RBFOX1: variants seen among roughly 807,000 people sequenced by gnomAD.
RBFOX1 encodes RNA binding fox-1 homolog 1.
In RBFOX1, 8 loss-of-function variants were observed where a neutral mutation model predicts 57.7. The observed-to-expected ratio is 0.14, with a 90% CI of 0.08 to 0.25. The LOEUF (loss-of-function observed/expected upper bound fraction) is 0.25, where lower values mean the gene tolerates loss of function less well. RBFOX1 is among the 10% of genes least tolerant of loss of function. The pLI is 1.00. For synonymous variants in RBFOX1, 326 were observed against 222.4 expected (o/e 1.47, Z -4.15); for missense variants, 611 against 548.5 (o/e 1.11, Z -1.14).
intron 3 of RBFOX1, among the ~76,000 whole-genome samples, chr16:5,690,976 G>A (rs1346466321): frequency 6.6e-6 from 1 of 152,192 alleles, no homozygotes; most frequent in Non-Finnish European, 1.5e-5. Flanking sequence ...AGAAGGGAGA[G>A]CAGGTAATCC....
intron 4 of RBFOX1, among the ~76,000 whole-genome samples, chr16:7,125,899 A>G (rs2068400312): frequency 6.6e-6 from 1 of 152,138 alleles, no homozygotes; most frequent in African/African-American, 2.4e-5. Context: ...CCTGGCCAAC[A>G]TGGCAAAACT....
chr16:5,610,431 C>G (rs906795743), intron 3 of RBFOX1: 1 of 152,196 alleles, frequency 6.6e-6, no homozygotes, highest in East Asian at 1.9e-4. Context: ...GGTCACACAG[C>G]TAGGAAAGGG....
intron 3 of RBFOX1, among the ~76,000 whole-genome samples, chr16:7,017,796 G>C (rs905135461): frequency 2.0e-5 from 3 of 152,140 alleles, no homozygotes; most frequent in African/African-American, 7.2e-5. Context: ...AAAGAACATC[G>C]TGGTGTGCTT....
At chr16:6,438,388 T>C (rs1037143960) in intron 2 of RBFOX1, among the ~76,000 whole-genome samples, 2 of 152,136 alleles carry the variant, frequency 1.3e-5, no homozygotes, top group Admixed American at 1.3e-4. Flanking sequence ...GTGGTGGAGT[T>C]GGACTCACAC....
At chr16:7,019,165 C>A (rs2094077679) in intron 3 of RBFOX1, among the ~76,000 whole-genome samples, 1 of 151,662 alleles carries the variant, frequency 6.6e-6, no homozygotes, top group African/African-American at 2.4e-5. Flanking sequence ...TGTAATATTT[C>A]TAAAATTTTT....
At chr16:7,454,234 C>A (rs958948282) in intron 4 of RBFOX1, among the ~76,000 whole-genome samples, 3 of 152,108 alleles carry the variant, frequency 2.0e-5, no homozygotes, top group African/African-American at 7.2e-5. Flanking sequence ...CTCCGTCCCC[C>A]ACCAACCCCC....
rs1448701610 is a variant in RBFOX1, at chr16:6,543,172, A to G, written c.-63-111431A>G. ...ATTTGTACCCCATCCCTTAGGTGGA[A>G]CATGGCAGGATTCTTCAGGAGGGAA... On this transcript the variant is annotated intron_variant, in intron 2 of 15. Coordinates refer to ENST00000550418, the MANE Select transcript of RBFOX1 (RefSeq NM_018723.4). Among the ~76,000 whole-genome samples, 89 of 152,180 alleles carry G rather than the reference A, an allele frequency of 5.8e-4. 1 individual carries two copies. The highest frequency in any genetic ancestry group is 5.9e-5 in the Non-Finnish European group (4 of 68,040).
intron 3 of RBFOX1, among the ~76,000 whole-genome samples, chr16:6,972,841 G>T (rs535000912): frequency 6.6e-5 from 10 of 152,242 alleles, no homozygotes; most frequent in Admixed American, 2.6e-4. Context: ...CAGAGACAAG[G>T]GGCCGGATGC....
intron 3 of RBFOX1, among the ~76,000 whole-genome samples, chr16:6,803,157 C>G (rs765693101): frequency 2.0e-5 from 3 of 151,986 alleles, no homozygotes; most frequent in Non-Finnish European, 4.4e-5. Context: ...CTTTTAAATG[C>G]CATGAGTTAG....
chr16:7,330,926 C>T (rs554840280), intron 4 of RBFOX1, among the ~76,000 whole-genome samples: 2 of 152,230 alleles, frequency 1.3e-5, no homozygotes, highest in South Asian at 4.2e-4. Flanking sequence ...TGTTGAAAGT[C>T]ATCGTCAAAA....
chr16:7,046,335 T>C (rs1338563074), intron 3 of RBFOX1, among the ~76,000 whole-genome samples: 6 of 152,034 alleles, frequency 3.9e-5, no homozygotes, highest in African/African-American at 1.4e-4. Context: ...TTAAAGGTTG[T>C]GTTATAGGGA....
chr16:6,659,017 C>T (rs757532354), intron 3 of RBFOX1, among the ~76,000 whole-genome samples: 8 of 151,422 alleles, frequency 5.3e-5, no homozygotes, highest in Non-Finnish European at 1.2e-4. Flanking sequence ...GGGAGGTAAC[C>T]CATCACTTGG....
chr16:6,232,565 A>G (rs1004958951), intron 1 of RBFOX1, among the ~76,000 whole-genome samples: 8 of 152,118 alleles, frequency 5.3e-5, no homozygotes, highest in African/African-American at 1.7e-4. Flanking sequence ...AAGCATCTCT[A>G]TCTTGCCTTG....
At position 7,483,700 on chromosome 16, in the gene RBFOX1, T is replaced by G. The variant is rs141338997; in HGVS notation, c.28-34447T>G. On this transcript the variant is annotated intron_variant, in intron 4 of 15. Coordinates refer to ENST00000550418, the MANE Select transcript of RBFOX1 (RefSeq NM_018723.4). Reference sequence around the variant, plus strand: ...TATTTTAAAGGTGGGTTTTCCAGAGTTGGGTATAAGTTCAGCTACCCAAGA... The same window carrying G: ...TATTTTAAAGGTGGGTTTTCCAGAGGTGGGTATAAGTTCAGCTACCCAAGA... 2.0e-3 allele frequency among the ~76,000 whole-genome samples: 297 copies of G among 152,216 alleles called. 1 individual carries two copies. Among genetic ancestry groups the G allele is most frequent in the African/African-American group, 6.9e-3 (286 of 41,532 alleles).
intron 4 of RBFOX1, among the ~76,000 whole-genome samples, chr16:5,921,847 C>A (rs968402801): frequency 2.0e-5 from 3 of 151,846 alleles, no homozygotes; most frequent in Non-Finnish European, 4.4e-5. Context: ...GGGGAGGAGC[C>A]AGGCTCTTTT....
At chr16:7,006,255 A>T (rs966399070) in intron 3 of RBFOX1, among the ~76,000 whole-genome samples, 1 of 152,046 alleles carries the variant, frequency 6.6e-6, no homozygotes, top group Non-Finnish European at 1.5e-5. Flanking sequence ...CCGAGGTCCA[A>T]GCGATTCTCC....
intron 4 of RBFOX1, among the ~76,000 whole-genome samples, chr16:7,426,277 C>A (rs959525985): frequency 1.3e-5 from 2 of 152,106 alleles, no homozygotes; most frequent in South Asian, 4.1e-4. Context: ...GCATCGTCTC[C>A]CCGCTTAATC....
chr16:5,742,082 G>A (rs2052787879), intron 3 of RBFOX1, among the ~76,000 whole-genome samples: 1 of 152,112 alleles, frequency 6.6e-6, no homozygotes, highest in African/African-American at 2.4e-5. Context: ...ATAATGAGAG[G>A]TTTTCTGATT....
At chr16:7,252,719 G>A (rs1258946748) in intron 4 of RBFOX1, among the ~76,000 whole-genome samples, 1 of 148,120 alleles carries the variant, frequency 6.8e-6, no homozygotes, top group Non-Finnish European at 1.5e-5. Context: ...TTAAATTTGA[G>A]TCACCCAACG....
Sources: gnomAD v4.1 joint callset for allele counts (sites outside exome capture counted in the v4.1 genomes callset) on GRCh38, gnomAD v4.1.1 for gene constraint, MANE v1.5 for transcripts, NCBI Gene and HGNC (gene_info 2026-07-23, HGNC 2026-07-21) for gene names.